The following HPS5 variants were observed in gnomAD, a reference collection of about 807,000 sequenced individuals.
HPS5 encodes HPS5 biogenesis of lysosomal organelles complex 2 subunit 2.
HPS5 carries 83 observed loss-of-function variants against 128.0 expected under a neutral mutation model. The ratio of observed to expected loss-of-function variants is 0.65; its 90% CI spans 0.54 to 0.78. HPS5 has a LOEUF of 0.78. Ranked by LOEUF, HPS5 falls within the 30% of genes least tolerant of loss-of-function variation. The pLI is 0.00. For missense variants in HPS5, 1,281 were observed against 1,326.2 expected, an observed-to-expected ratio of 0.97 and a Z score of 0.53; for synonymous variants, 475 against 470.2, an observed-to-expected ratio of 1.01 and a Z score of -0.13.
At chr11:18,319,714 T>C (rs1433946351) in intron 1 of HPS5, among the ~76,000 whole-genome samples, 3 of 152,140 alleles carry the variant, frequency 2.0e-5, no homozygotes, top group Non-Finnish European at 4.4e-5. Context: ...GGTGGTTAGA[T>C]GCTAGAAAAC....
At chr11:18,290,120 C>G (rs946111658) in intron 16 of HPS5, among the ~76,000 whole-genome samples, 2 of 152,200 alleles carry the variant, frequency 1.3e-5, no homozygotes, top group Admixed American at 6.5e-5. Flanking sequence ...ACAGCACTTT[C>G]TACATGCTTT....
chr11:18,299,634 A>T (rs1297534405), intron 9 of HPS5, among the ~76,000 whole-genome samples: 1 of 152,232 alleles, frequency 6.6e-6, no homozygotes, highest in East Asian at 1.9e-4. Context: ...GAATATAGAG[A>T]TTGATTTTCT....
chr11:18,279,162 G>A lies in HPS5; in HGVS notation c.*720C>T, dbSNP rs922975035. 3 of 152,098 alleles carry A rather than the reference G, an allele frequency of 2.0e-5. No homozygotes were observed. Among genetic ancestry groups the A allele is most frequent in the African/African-American group, 4.8e-5 (2 of 41,390 alleles). The allele number at this position is 152,098 out of a possible 1,614,324, so 9.4% of individuals were successfully genotyped here. ...CAATGGCACAAACACATCTCATTGC[G>A]GCCTGGACCTCCTGGCCTCAGGTAC... On this transcript the variant is annotated 3_prime_UTR_variant, in exon 23 of 23. Transcript: ENST00000349215.
chr11:18,297,053 G>T, intron 11 of HPS5, 69 bp from the exon 12 acceptor site: 1 of 963,992 alleles, frequency 1.0e-6, no homozygotes, highest in Admixed American at 2.0e-5. Flanking sequence ...TATAACTTCT[G>T]CAGAGAAATA....
intron 8 of HPS5, among the ~76,000 whole-genome samples, chr11:18,302,834 G>GC (rs1395571765): frequency 2.5e-5 from 2 of 80,074 alleles, no homozygotes; most frequent in Non-Finnish European, 2.8e-5. Flanking sequence ...GGGGGGGGGG[G>GC]GGTGTCAGAG....
At chr11:18,292,400 C>T (rs1860521923) in intron 15 of HPS5, among the ~76,000 whole-genome samples, 1 of 151,982 alleles carries the variant, frequency 6.6e-6, no homozygotes, top group South Asian at 2.1e-4. Flanking sequence ...CATCATGTTG[C>T]CCTGGATGGT....
In HPS5 at chr11:18,297,002, TCA is replaced by T; in HGVS notation, c.1324-20_1324-19del. 1.4e-6 allele frequency: 2 copies of T among 1,430,342 alleles called. No homozygotes were observed. Among genetic ancestry groups the T allele is most frequent in the African/African-American group, 1.6e-5 (1 of 60,668 alleles). 88.6% of individuals were successfully genotyped at this position (1,430,342 alleles called of 1,614,324 possible). Reference sequence around the variant, plus strand: ...AAACTTTCCTAAAAATTAAAAGAATTCAAAAAAAAAAAAAGGTAAAAATTTCC... The same window carrying T: ...AAACTTTCCTAAAAATTAAAAGAATTAAAAAAAAAAAAGGTAAAAATTTCC... On this transcript the variant is annotated intron_variant, in intron 11 of 22. Coordinates refer to ENST00000349215, the MANE Select transcript of HPS5 (RefSeq NM_181507.2).
At chr11:18,288,163 C>A in intron 16 of HPS5, 150 bp from the exon 17 acceptor site, 12 of 740,492 alleles carry the variant, frequency 1.6e-5, no homozygotes, top group Non-Finnish European at 2.2e-5. Context: ...ACAAGAGAAA[C>A]AAATAAAAGT....
chr11:18,292,548 G>A (rs932220683), intron 15 of HPS5, among the ~76,000 whole-genome samples: 2 of 152,116 alleles, frequency 1.3e-5, no homozygotes, highest in Admixed American at 6.5e-5. Context: ...ACTGTCTCAG[G>A]ACCACTACTG....
Position 18,279,669 on chromosome 11 carries a change from C to T in HPS5, c.*213G>A. The stretch of plus-strand genomic sequence containing the variant: ...AAAATTCAACTTTGGTTAAGAAATG[C>T]TGAGTACAACTTTGGTTAAGAAACA... On this transcript the variant is annotated 3_prime_UTR_variant, in exon 23 of 23. Transcript: ENST00000349215. The T allele has an allele frequency of 1.7e-6, 1 of 590,226 alleles. No homozygotes were observed. Among genetic ancestry groups the T allele is most frequent in the South Asian group, 2.0e-5 (1 of 49,290 alleles). The allele number at this position is 590,226 out of a possible 1,614,324, so 36.6% of individuals were successfully genotyped here.
intron 1 of HPS5, among the ~76,000 whole-genome samples, chr11:18,321,612 C>G (rs1364593034): frequency 6.6e-6 from 1 of 152,180 alleles, no homozygotes; most frequent in East Asian, 1.9e-4. Context: ...GTTTGTTGCT[C>G]ACACATCAAA....
intron 11 of HPS5, 134 bp downstream of exon 11, chr11:18,297,425 C>A: frequency 1.3e-6 from 1 of 772,506 alleles, no homozygotes; most frequent in Non-Finnish European, 2.2e-6. Flanking sequence ...ACTAGCTGAA[C>A]AAAAGTTCAC....
At chr11:18,302,424 C>T (rs1564960399) in intron 8 of HPS5, among the ~76,000 whole-genome samples, 2 of 152,122 alleles carry the variant, frequency 1.3e-5, no homozygotes, top group African/African-American at 4.8e-5. Context: ...ACAACACTCA[C>T]CCTATTTCTT....
chr11:18,286,580 T>A lies in HPS5; in HGVS notation c.2837+11A>T. The A allele has an allele frequency of 6.2e-7, 1 of 1,613,198 alleles. No individual in the cohort carries two copies. The highest frequency in any genetic ancestry group is 8.5e-7 in the Non-Finnish European group (1 of 1,179,634). On this transcript the variant is annotated intron_variant, in intron 19 of 22. Coordinates refer to ENST00000349215, the MANE Select transcript of HPS5 (RefSeq NM_181507.2). Reference sequence around the variant, plus strand: ...AAAGAAAAAAACAAAGAAAGAGGACTTCTTCTGTACCTGGGATAACCTTCA... The same window carrying A: ...AAAGAAAAAAACAAAGAAAGAGGACATCTTCTGTACCTGGGATAACCTTCA...
At position 18,283,875 on chromosome 11, in the gene HPS5, C is replaced by G. The variant is rs1237336281; in HGVS notation, c.2978G>C (p.Cys993Ser). 3 of 1,613,000 alleles carry G rather than the reference C, an allele frequency of 1.9e-6. No homozygotes were observed. In the South Asian group the frequency reaches 3.3e-5, roughly 18 times the overall value. The stretch of plus-strand genomic sequence containing the variant: ...CTCTCTTCTTCTCTCCAGCTCCAAA[C>G]AGAGAATTAGATATCCAGGCCAGAA... ...CGFWPGYLILCLELERRREAF... is the reference protein window; with the variant it reads ...CGFWPGYLILSLELERRREAF... The change falls in exon 21 of 23, where the codon TGT becomes TCT. Residue 993 changes from cysteine to serine, a missense_variant. Coordinates refer to ENST00000349215, the MANE Select transcript of HPS5 (RefSeq NM_181507.2).
intron 5 of HPS5, among the ~76,000 whole-genome samples, chr11:18,309,882 G>C (rs1462857803): frequency 1.3e-5 from 2 of 152,134 alleles, no homozygotes; most frequent in Non-Finnish European, 2.9e-5. Flanking sequence ...CATGCCAGTA[G>C]TCCCAGCTAC....
At position 18,291,890 on chromosome 11, in the gene HPS5, G is replaced by A. The variant is rs1475623957; in HGVS notation, c.1992C>T (p.Asn664=). ...CATCCTGGTTCAATTTCATGGATGA[G>A]TTGTCAGTATCTGAAACACCTGAAA... The part of the protein sequence containing the change: ...KDFSGVSDTD[N]SSMKLNQDVL... Residue 664 remains asparagine (N), a synonymous_variant, in exon 16 of 23, where the codon AAC becomes AAT. Coordinates refer to ENST00000349215, the MANE Select transcript of HPS5 (RefSeq NM_181507.2). 5 of 1,607,384 alleles carry A rather than the reference G, an allele frequency of 3.1e-6. No homozygotes were observed. Among genetic ancestry groups the A allele is most frequent in the Non-Finnish European group, 2.5e-6 (3 of 1,176,800 alleles).
chr11:18,322,143 G>C (rs1005338598), upstream of HPS5: 1 of 152,388 alleles, frequency 6.6e-6, no homozygotes, highest in African/African-American at 2.4e-5. Context: ...CGCGCACTAA[G>C]AGCGGAACGT....
Position 18,282,260 on chromosome 11 carries a change from G to A in HPS5, c.3059-40C>T, listed in dbSNP as rs781223827. 3.7e-6 allele frequency: 6 copies of A among 1,610,552 alleles called. No individual in the cohort carries two copies. The South Asian group carries it at 6.6e-5, about 18-fold the overall frequency. On this transcript the variant is annotated intron_variant, in intron 21 of 22. Coordinates refer to ENST00000349215, the MANE Select transcript of HPS5 (RefSeq NM_181507.2). ...GGAAGTGTCAGTTTGACCACTCTTAGCACACTGACTGGATACAGGAGATGG... is the reference window on the plus strand; with the variant it reads ...GGAAGTGTCAGTTTGACCACTCTTAACACACTGACTGGATACAGGAGATGG...
Sources: gnomAD v4.1 joint callset for allele counts (sites outside exome capture counted in the v4.1 genomes callset) on GRCh38, gnomAD v4.1.1 for gene constraint, MANE v1.5 for transcripts, NCBI Gene and HGNC (gene_info 2026-07-23, HGNC 2026-07-21) for gene names.